KCNIP4: variants seen among roughly 807,000 people sequenced by gnomAD.
KCNIP4 encodes the protein potassium voltage-gated channel interacting protein 4.
A neutral mutation model predicts 34.0 loss-of-function variants in KCNIP4; 12 were observed. The ratio of observed to expected loss-of-function variants is 0.35; its 90% CI spans 0.23 to 0.57. KCNIP4 has a LOEUF of 0.57. Ranked by LOEUF, KCNIP4 falls within the 20% of genes least tolerant of loss-of-function variation. The pLI is 0.83. For synonymous variants in KCNIP4, 124 were observed against 102.2 expected, an observed-to-expected ratio of 1.21 and a Z score of -1.29; for missense variants, 238 against 311.7, an observed-to-expected ratio of 0.76 and a Z score of 1.78.
chr4:20,845,844 A>G (rs927565779), intron 3 of KCNIP4, among the ~76,000 whole-genome samples: 1 of 152,158 alleles, frequency 6.6e-6, no homozygotes, highest in African/African-American at 2.4e-5. Context: ...AATTCTGCCA[A>G]CAACCACAGG....
intron 2 of KCNIP4, among the ~76,000 whole-genome samples, chr4:20,852,536 G>C (rs1021205195): frequency 6.6e-6 from 1 of 152,152 alleles, no homozygotes; most frequent in Non-Finnish European, 1.5e-5. Context: ...GTGGGGAAAA[G>C]TTGAAAGCAT....
In KCNIP4 at chr4:20,782,043, C is replaced by T. The variant is rs1337916555; in HGVS notation, c.289-23153G>A. Among the ~76,000 whole-genome samples, 3 of 152,130 alleles carry T rather than the reference C, an allele frequency of 2.0e-5. 1 individual carries two copies. Among genetic ancestry groups the T allele is most frequent in the African/African-American group, 7.2e-5 (3 of 41,432 alleles). On this transcript the variant is annotated intron_variant, in intron 3 of 8. Transcript: ENST00000382152. Reference sequence around the variant, plus strand: ...AAACAAAGGGGTCACAGGGCCCTTGCAAGTCCAAAATCCAGCAGGGCAGTC... The same window carrying T: ...AAACAAAGGGGTCACAGGGCCCTTGTAAGTCCAAAATCCAGCAGGGCAGTC...
intron 1 of KCNIP4, among the ~76,000 whole-genome samples, chr4:21,482,670 C>G (rs1231624834): frequency 1.3e-5 from 2 of 152,128 alleles, no homozygotes; most frequent in African/African-American, 4.8e-5. Flanking sequence ...AGAGTTTCTG[C>G]TGAGAGATCA....
intron 3 of KCNIP4, among the ~76,000 whole-genome samples, chr4:20,844,802 A>G (rs1479886124): frequency 6.6e-6 from 1 of 152,162 alleles, no homozygotes; most frequent in African/African-American, 2.4e-5. Context: ...AGAATTTCCC[A>G]AACACTTTGA....
chr4:21,346,206 T>G (rs1717349082), intron 1 of KCNIP4, among the ~76,000 whole-genome samples: 1 of 69,784 alleles, frequency 1.4e-5, no homozygotes, highest in Non-Finnish European at 3.0e-5. Flanking sequence ...ATTATATATA[T>G]AATATATATT....
At chr4:21,488,041 T>C (rs147366637) in intron 1 of KCNIP4, among the ~76,000 whole-genome samples, 63 of 152,298 alleles carry the variant, frequency 4.1e-4, no homozygotes, top group Non-Finnish European at 5.7e-4. Context: ...ATTGCTACTG[T>C]GGTATTCTTG....
chr4:21,690,122 T>C (rs1751152515), intron 1 of KCNIP4, among the ~76,000 whole-genome samples: 1 of 146,442 alleles, frequency 6.8e-6, no homozygotes, highest in Admixed American at 6.9e-5. Flanking sequence ...ATATTATATA[T>C]ATATTTTATA....
At chr4:20,953,804 T>G in intron 1 of KCNIP4, among the ~76,000 whole-genome samples, 1 of 152,140 alleles carries the variant, frequency 6.6e-6, no homozygotes, top group Non-Finnish European at 1.5e-5. Flanking sequence ...TCCCCCAAAC[T>G]CAAGAACTCT....
At chr4:21,120,341 C>T (rs1238482819) in intron 1 of KCNIP4, among the ~76,000 whole-genome samples, 9 of 152,134 alleles carry the variant, frequency 5.9e-5, no homozygotes. Context: ...ATTAAGGTGC[C>T]AGTAGAGTGT....
chr4:21,712,586 TTG>T (rs1354632462), intron 1 of KCNIP4, among the ~76,000 whole-genome samples: 1 of 151,916 alleles, frequency 6.6e-6, no homozygotes, highest in Non-Finnish European at 1.5e-5. Flanking sequence ...GTCACCTCTC[TTG>T]TGTCTCCTTC....
At chr4:20,995,033 A>G (rs1269852642) in intron 1 of KCNIP4, among the ~76,000 whole-genome samples, 1 of 152,154 alleles carries the variant, frequency 6.6e-6, no homozygotes, top group African/African-American at 2.4e-5. Context: ...GTCTACTTTT[A>G]TTCATGATTT....
At chr4:21,077,267 A>C (rs1745573053) in intron 1 of KCNIP4, among the ~76,000 whole-genome samples, 1 of 152,192 alleles carries the variant, frequency 6.6e-6, no homozygotes, top group Non-Finnish European at 1.5e-5. Flanking sequence ...TAAAGGGTTA[A>C]TTTATGATTC....
At chr4:21,240,354 A>G (rs903644345) in intron 1 of KCNIP4, among the ~76,000 whole-genome samples, 3 of 151,958 alleles carry the variant, frequency 2.0e-5, no homozygotes, top group African/African-American at 7.3e-5. Flanking sequence ...GTGCACATGT[A>G]CCCTAAAACT....
chr4:21,248,511 G>A (rs925539100), intron 1 of KCNIP4, among the ~76,000 whole-genome samples: 16 of 152,152 alleles, frequency 1.1e-4, no homozygotes, highest in East Asian at 1.9e-4. Flanking sequence ...CTTGATAACT[G>A]GAGAATTTCC....
intron 1 of KCNIP4, among the ~76,000 whole-genome samples, chr4:21,241,833 A>C (rs1277974320): frequency 6.6e-6 from 1 of 152,068 alleles, no homozygotes; most frequent in Non-Finnish European, 1.5e-5. Flanking sequence ...ATCCGCAAAA[A>C]CTGCAGTATG....
intron 3 of KCNIP4, among the ~76,000 whole-genome samples, chr4:20,835,392 T>A (rs1718914363): frequency 6.6e-6 from 1 of 151,848 alleles, no homozygotes; most frequent in South Asian, 2.1e-4. Context: ...GCCTTGCCAC[T>A]TCCTAGCTGT....
intron 1 of KCNIP4, among the ~76,000 whole-genome samples, chr4:21,481,140 T>C (rs1731394370): frequency 6.6e-6 from 1 of 152,140 alleles, no homozygotes; most frequent in Admixed American, 6.5e-5. Context: ...TAGAAACTAC[T>C]CAATAAGTGT....
chr4:21,526,836 C>T (rs567813432), intron 1 of KCNIP4, among the ~76,000 whole-genome samples: 5 of 152,278 alleles, frequency 3.3e-5, no homozygotes, highest in African/African-American at 1.2e-4. Flanking sequence ...TGCTTCTACT[C>T]ATTGAAACAA....
At chr4:21,370,559 G>T (rs2109435277) in intron 1 of KCNIP4, among the ~76,000 whole-genome samples, 1 of 143,758 alleles carries the variant, frequency 7.0e-6, no homozygotes, top group East Asian at 2.1e-4. Context: ...GAAAAAAAAA[G>T]AAGCAGAGAA....
Sources: allele counts gnomAD v4.1 joint callset (sites outside exome capture counted in the v4.1 genomes callset), GRCh38; gene constraint gnomAD v4.1.1; transcripts MANE v1.5; gene names NCBI Gene and HGNC (gene_info 2026-07-23, HGNC 2026-07-21).